Variants in BAIAP2L2 observed in about 807,000 individuals in gnomAD.
The protein encoded by BAIAP2L2 is BAR/IMD domain containing adaptor protein 2 like 2, also known as BAR/IMD domain-containing adapter protein 2-like 2.
In BAIAP2L2, 65 loss-of-function variants were observed where a neutral mutation model predicts 60.4. The ratio of observed to expected loss-of-function variants is 1.08; its 90% confidence interval spans 0.88 to 1.32. The LOEUF is 1.32. Among genes scored for constraint, BAIAP2L2 ranks in the 40% most tolerant of loss-of-function variants. The pLI, the probability that BAIAP2L2 is intolerant of heterozygous loss-of-function variation, is 0.00. For synonymous variants in BAIAP2L2, 344 were observed against 301.7 expected, an observed-to-expected ratio of 1.14 and a Z score of -1.45; for missense variants, 836 against 741.2, an observed-to-expected ratio of 1.13 and a Z score of -1.48.
Position 38,084,925 on chromosome 22 carries a change from A to C in BAIAP2L2, c.*375T>G. 4.8e-6 allele frequency: 1 copy of C among 206,614 alleles called. No homozygotes were observed. Among genetic ancestry groups the C allele is most frequent in the East Asian group, 1.3e-4 (1 of 7,686 alleles). The allele number at this position is 206,614 out of a possible 1,614,324, so 12.8% of individuals were successfully genotyped here. ...TTTGCGTCCACTTCCTTTATTTCTC[A>C]TCATTTACAAAAGATGTACAGAGAG... On this transcript the variant is annotated 3_prime_UTR_variant, in exon 14 of 14. Transcript: ENST00000381669.
chr22:38,103,974 T>C (rs1445771426), intron 4 of BAIAP2L2, among the ~76,000 whole-genome samples: 1 of 152,136 alleles, frequency 6.6e-6, no homozygotes, highest in African/African-American at 2.4e-5. Flanking sequence ...AAATCTACGA[T>C]ATTGATTATA....
intron 4 of BAIAP2L2, among the ~76,000 whole-genome samples, chr22:38,100,675 A>T (rs1003636326): frequency 2.6e-5 from 4 of 152,198 alleles, no homozygotes; most frequent in African/African-American, 4.8e-5. Context: ...TGAGGCCCTC[A>T]TGAGAAGCTA....
chr22:38,104,697 C>T (rs2086629548), intron 4 of BAIAP2L2, among the ~76,000 whole-genome samples: 3 of 152,120 alleles, frequency 2.0e-5, no homozygotes, highest in African/African-American at 7.2e-5. Flanking sequence ...GGGGTCTCAC[C>T]GTGTTAGCCA....
intron 4 of BAIAP2L2, 111 bp downstream of exon 4, chr22:38,107,741 C>G (rs2086693508): frequency 2.9e-6 from 3 of 1,022,484 alleles, no homozygotes; most frequent in Non-Finnish European, 4.5e-6. Context: ...CTGGGAAGGG[C>G]AGCCACGGTC....
At chr22:38,094,794 G>A (rs12162647) in intron 7 of BAIAP2L2, among the ~76,000 whole-genome samples, 10 of 151,836 alleles carry the variant, frequency 6.6e-5, no homozygotes, top group African/African-American at 2.4e-4. Flanking sequence ...CCCTGGGCCC[G>A]TGGGTTCAGA....
intron 1 of BAIAP2L2, among the ~76,000 whole-genome samples, chr22:38,110,159 G>A (rs1449913532): frequency 8.7e-6 from 1 of 115,010 alleles, no homozygotes; most frequent in Non-Finnish European, 1.6e-5. Context: ...GGGAGAGACA[G>A]AGAGAGAGAG....
intron 7 of BAIAP2L2, among the ~76,000 whole-genome samples, chr22:38,092,051 G>C (rs994360095): frequency 7.2e-5 from 11 of 152,120 alleles, no homozygotes; most frequent in Admixed American, 5.9e-4. Flanking sequence ...GTGTAAACTG[G>C]TGCAACCAAT....
intron 10 of BAIAP2L2, among the ~76,000 whole-genome samples, chr22:38,087,673 C>T (rs955154375): frequency 3.3e-5 from 5 of 152,068 alleles, no homozygotes; most frequent in African/African-American, 1.2e-4. Flanking sequence ...CCTTCCGTTC[C>T]TGTCCCTGTG....
intron 6 of BAIAP2L2, 60 bp downstream of exon 6, chr22:38,098,003 T>TG: frequency 3.7e-6 from 2 of 540,970 alleles, no homozygotes; most frequent in Non-Finnish European, 5.2e-6. Flanking sequence ...GGGCCCGGTC[T>TG]CGCCCCGAGG....
intron 7 of BAIAP2L2, among the ~76,000 whole-genome samples, chr22:38,096,089 T>C (rs1020549994): frequency 6.6e-6 from 1 of 152,148 alleles, no homozygotes; most frequent in Admixed American, 6.5e-5. Context: ...ACAGAAAGTA[T>C]ACTTAACATA....
rs1238199369 is a variant in BAIAP2L2, at chr22:38,089,155, G to C, written c.842C>G (p.Ala281Gly). Reference protein sequence around the residue: ...GSGSYGTEPDARPASQLEPDR... With the variant: ...GSGSYGTEPDGRPASQLEPDR... ...TGGCTCTAGCTGGGACGCGGGCCTC[G>C]CGTCGGGCTCGGTGCCGTAGGAGCC... Residue 281 changes from alanine to glycine, a missense_variant, in exon 9 of 14, where the codon GCG becomes GGG. Physicochemically the swap from Ala to Gly is moderately conservative, Grantham distance 60. Transcript: ENST00000381669. 7.5e-7 allele frequency: 1 copy of C among 1,340,420 alleles called. No individual in the cohort carries two copies. Among genetic ancestry groups the C allele is most frequent in the South Asian group, 2.0e-5 (1 of 51,230 alleles). The allele number at this position is 1,340,420 out of a possible 1,614,324, so 83.0% of individuals were successfully genotyped here. A position where few individuals can be genotyped will look rare whatever the true frequency, so the allele number is the denominator to read the frequency against.
At chr22:38,109,804 C>T (rs944523338) in intron 1 of BAIAP2L2, among the ~76,000 whole-genome samples, 6 of 152,012 alleles carry the variant, frequency 3.9e-5, no homozygotes, top group Non-Finnish European at 8.8e-5. Context: ...CAAATCCCAG[C>T]AGCACCTCTT....
At chr22:38,090,632 A>G (rs1307161435) in intron 7 of BAIAP2L2, 1 of 152,192 alleles carries the variant, frequency 6.6e-6, no homozygotes, top group Non-Finnish European at 1.5e-5. Context: ...CTTTATCTGC[A>G]TTATCTTACT....
At chr22:38,087,800 C>T (rs1455616879) in intron 10 of BAIAP2L2, among the ~76,000 whole-genome samples, 1 of 86,884 alleles carries the variant, frequency 1.2e-5, no homozygotes, top group African/African-American at 4.7e-5. Context: ...CATCCAGCAC[C>T]CCCTCACCAC....
rs1256452394 is a variant in BAIAP2L2, at chr22:38,087,192, G to GTCATGGGA, written c.1190_1191insTCCCATGA (p.Ser401ProfsTer2). The GTCATGGGA allele has an allele frequency of 6.2e-7, 1 of 1,600,810 alleles. No homozygotes were observed. The highest frequency in any genetic ancestry group is 8.5e-7 in the Non-Finnish European group (1 of 1,175,432). On this transcript the variant is annotated frameshift_variant, in exon 11 of 14. Transcript: ENST00000381669. LOFTEE classifies it high-confidence loss of function. Reference sequence around the variant, plus strand: ...ACATGGAGGTCATGGAGGTCATGGGGGTCACGGGGGTCATGGGATTCACGG... The same window carrying GTCATGGGA: ...ACATGGAGGTCATGGAGGTCATGGGGTCATGGGAGTCACGGGGGTCATGGGATTCACGG...
At chr22:38,089,473 C>CGGGG in intron 8 of BAIAP2L2, 49 bp downstream of exon 8, 1 of 1,095,200 alleles carries the variant, frequency 9.1e-7, no homozygotes, top group Non-Finnish European at 1.1e-6. Flanking sequence ...CGGGCCCCCG[C>CGGGG]GGGGGGCGGC....
intron 3 of BAIAP2L2, 42 bp downstream of exon 3, chr22:38,108,213 G>C (rs1456884763): frequency 6.4e-7 from 1 of 1,569,884 alleles, no homozygotes; most frequent in East Asian, 2.3e-5. Flanking sequence ...GGTGCAAAAG[G>C]AGGGCCCAAG....
chr22:38,104,730 T>G (rs1209144250), intron 4 of BAIAP2L2, among the ~76,000 whole-genome samples: 3 of 152,074 alleles, frequency 2.0e-5, no homozygotes. Flanking sequence ...TTTCCTGACC[T>G]CGTGATCCGC....
At position 38,088,774 on chromosome 22, in the gene BAIAP2L2, G is replaced by C; in HGVS notation, c.1092C>G (p.Leu364=). ...VLVPEAQNGW[L]YGKLEGSSAS... ...CGGACGAGCCCTCCAGCTTGCCGTA[G>C]AGCCAGCCGTTCTGGGCCTCGGGCA... The change falls in exon 10 of 14, where the codon CTC becomes CTG. Residue 364 remains leucine, a synonymous_variant. Coordinates refer to ENST00000381669, the MANE Select transcript of BAIAP2L2 (RefSeq NM_025045.6). The C allele has an allele frequency of 6.2e-7, 1 of 1,600,396 alleles. No individual in the cohort carries two copies. Among genetic ancestry groups the C allele is most frequent in the Non-Finnish European group, 8.5e-7 (1 of 1,179,390 alleles).
Sources: allele counts gnomAD v4.1 joint callset (sites outside exome capture counted in the v4.1 genomes callset), GRCh38; gene constraint gnomAD v4.1.1; transcripts MANE v1.5; gene names NCBI Gene and HGNC (gene_info 2026-07-23, HGNC 2026-07-21).